The following RUSC2 variants were observed in gnomAD, a reference collection of about 807,000 sequenced individuals.
RUSC2 encodes RUN and SH3 domain containing 2, also known as AP-4 complex accessory subunit RUSC2.
In RUSC2, 34 loss-of-function variants were observed where a neutral mutation model predicts 122.2. The ratio of observed to expected loss-of-function variants is 0.28; its 90% CI spans 0.21 to 0.37. The LOEUF (loss-of-function observed/expected upper bound fraction) is 0.37. Ranked by LOEUF, RUSC2 falls within the 10% of genes least tolerant of loss-of-function variation. The probability of loss-of-function intolerance (pLI) is 1.00; values close to 1 mark genes in which losing one functional copy is unlikely to be tolerated. For missense variants in RUSC2, 1,747 were observed against 1,952.4 expected (o/e 0.89, Z 1.98); for synonymous variants, 784 against 790.0 (o/e 0.99, Z 0.13).
chr9:35,546,944 T>G lies in RUSC2; in HGVS notation c.423T>G (p.Phe141Leu), dbSNP rs780597171. 3.8e-6 allele frequency: 6 copies of G among 1,572,946 alleles called. No homozygotes were observed. The highest frequency in any genetic ancestry group is 5.2e-6 in the Non-Finnish European group (6 of 1,158,294). The change falls in exon 2 of 12, where the codon TTT becomes TTG. Residue 141 changes from phenylalanine (F) to leucine (L), a missense_variant. By Grantham distance (22) the Phe-to-Leu change is conservative. Coordinates refer to ENST00000361226, the MANE Select transcript of RUSC2 (RefSeq NM_014806.5). The surrounding 1 kb of genome is among the most constrained non-coding windows in gnomAD (Gnocchi z 4.3). The part of the protein sequence containing the change: ...FHLHGTGQPN[F>L]HLSSFQLPPS... Reference sequence around the variant, plus strand: ...TGCATGGCACTGGCCAGCCCAACTTTCATCTATCCTCTTTCCAGCTGCCAC... The same window carrying G: ...TGCATGGCACTGGCCAGCCCAACTTGCATCTATCCTCTTTCCAGCTGCCAC...
At chr9:35,556,473 C>G (rs1822022507) in intron 5 of RUSC2, 25 bp downstream of exon 5, 2 of 1,608,710 alleles carry the variant, frequency 1.2e-6, no homozygotes, top group Admixed American at 3.4e-5. Flanking sequence ...CAGCTCAGGC[C>G]AGGGACTCTG....
At chr9:35,552,652 G>A (rs532078900) in intron 2 of RUSC2, among the ~76,000 whole-genome samples, 18 of 152,234 alleles carry the variant, frequency 1.2e-4, no homozygotes, top group Non-Finnish European at 4.4e-5. Flanking sequence ...TCACTCCTCC[G>A]AACCAGTGAG....
At chr9:35,509,456 T>C (rs768800673) in intron 1 of RUSC2, among the ~76,000 whole-genome samples, 2 of 152,356 alleles carry the variant, frequency 1.3e-5, no homozygotes, top group South Asian at 4.1e-4. Context: ...CCCGTGTTCA[T>C]TGGGCAGGAA....
At position 35,542,559 on chromosome 9, in the gene RUSC2, A is replaced by G. The variant is rs374798437; in HGVS notation, c.-92-3871A>G. Among the ~76,000 whole-genome samples, 158 of 152,348 alleles carry G rather than the reference A, an allele frequency of 1.0e-3. 3 individuals carry two copies. The South Asian group carries it at 0.031, about 30-fold the overall frequency. On this transcript the variant is annotated intron_variant, in intron 1 of 11. Coordinates refer to ENST00000361226, the MANE Select transcript of RUSC2 (RefSeq NM_014806.5). ...TGACAGAGGACTTGTATCCAGAATA[A>G]ATGTTAAAACTCCTATAATTCAATC...
intron 2 of RUSC2, among the ~76,000 whole-genome samples, chr9:35,549,664 G>C (rs1821843907): frequency 6.6e-6 from 1 of 152,228 alleles, no homozygotes; most frequent in African/African-American, 2.4e-5. Flanking sequence ...CTTGTAAGAA[G>C]AATGTTCTAG....
At chr9:35,492,900 T>C (rs1262408406) in intron 1 of RUSC2, among the ~76,000 whole-genome samples, 1 of 152,144 alleles carries the variant, frequency 6.6e-6, no homozygotes, top group Non-Finnish European at 1.5e-5. Context: ...CTACTGGGGG[T>C]ACCTCATATA....
At chr9:35,505,816 C>G (rs1034048073) in intron 1 of RUSC2, among the ~76,000 whole-genome samples, 1 of 152,114 alleles carries the variant, frequency 6.6e-6, no homozygotes, top group Non-Finnish European at 1.5e-5. Context: ...TAAAAACACT[C>G]AACTAGGAAT....
chr9:35,536,675 A>T (rs1417686914), intron 1 of RUSC2, among the ~76,000 whole-genome samples: 1 of 152,052 alleles, frequency 6.6e-6, no homozygotes, highest in Non-Finnish European at 1.5e-5. Context: ...TAGCCGGGGC[A>T]TGGTGGCAGG....
Position 35,546,860 on chromosome 9 carries a change from A to T in RUSC2, c.339A>T (p.Gly113=). ...TGCAGGAGGGTGTGGGTGAGCCAGG[A>T]CTTGGTGACCTGTATGATGACAGCA... ...FLLQEGVGEP[G]LGDLYDDSIG... The change falls in exon 2 of 12, where the codon GGA becomes GGT. Residue 113 remains glycine (G), a synonymous_variant. Transcript: ENST00000361226. The surrounding 1 kb of genome is among the most constrained non-coding windows in gnomAD (Gnocchi z 4.3). The T allele has an allele frequency of 6.2e-7, 1 of 1,607,398 alleles. No homozygotes were observed. Among genetic ancestry groups the T allele is most frequent in the South Asian group, 1.1e-5 (1 of 89,446 alleles).
intron 1 of RUSC2, among the ~76,000 whole-genome samples, chr9:35,531,570 T>C (rs936900281): frequency 6.6e-6 from 1 of 152,224 alleles, no homozygotes; most frequent in Non-Finnish European, 1.5e-5. Flanking sequence ...CTTAGACATT[T>C]ACTGACTGAG....
chr9:35,542,742 A>G (rs1447570796), intron 1 of RUSC2, among the ~76,000 whole-genome samples: 1 of 152,202 alleles, frequency 6.6e-6, no homozygotes, highest in African/African-American at 2.4e-5. Context: ...ATCACATTAC[A>G]ATACAATTGT....
At chr9:35,539,983 T>G (rs935141268) in intron 1 of RUSC2, among the ~76,000 whole-genome samples, 6 of 151,914 alleles carry the variant, frequency 3.9e-5, no homozygotes, top group Non-Finnish European at 8.8e-5. Context: ...AGGGAAGGGG[T>G]TCTATGACTG....
chr9:35,561,840 GTATTTATT>G lies in RUSC2; in HGVS notation c.*471_*478del, dbSNP rs771051127. On this transcript the variant is annotated 3_prime_UTR_variant, in exon 12 of 12. Transcript: ENST00000361226. ...AGGAGGAGCCCAGGCGTCTGTTTAT[GTATTTATT>G]TATTTATTTATTATACCTATTAATA... 3.7e-5 allele frequency: 23 copies of G among 622,332 alleles called. No individual in the cohort carries two copies. Among genetic ancestry groups the G allele is most frequent in the Non-Finnish European group, 5.4e-5 (19 of 353,888 alleles). The allele number at this position is 622,332 out of a possible 1,614,324, so 38.6% of individuals were successfully genotyped here. A position where few individuals can be genotyped will look rare whatever the true frequency, so the allele number is the denominator to read the frequency against.
rs973336390 is a variant in RUSC2, at chr9:35,557,774, G to A, written c.2984-140G>A. On this transcript the variant is annotated intron_variant, in intron 5 of 11. Coordinates refer to ENST00000361226, the MANE Select transcript of RUSC2 (RefSeq NM_014806.5). The surrounding 1 kb of genome is among the most constrained non-coding windows in gnomAD (Gnocchi z 4.6). ...AACCAGAAAAGGGCCAGGCCTGAATGTTTTGATAAGACCCATGTGCAGATG... is the reference window on the plus strand; with the variant it reads ...AACCAGAAAAGGGCCAGGCCTGAATATTTTGATAAGACCCATGTGCAGATG... The A allele has an allele frequency of 1.4e-6, 1 of 710,226 alleles. No homozygotes were observed. The highest frequency in any genetic ancestry group is 2.5e-6 in the Non-Finnish European group (1 of 393,332). 44.0% of individuals were successfully genotyped at this position (710,226 alleles called of 1,614,324 possible). A position where few individuals can be genotyped will look rare whatever the true frequency, so the allele number is the denominator to read the frequency against.
chr9:35,552,747 A>AG (rs1411225653), intron 2 of RUSC2, among the ~76,000 whole-genome samples: 2 of 152,224 alleles, frequency 1.3e-5, no homozygotes, highest in Non-Finnish European at 2.9e-5. Context: ...TTTAACCTAG[A>AG]GAAAAACTGA....
At chr9:35,505,580 C>T (rs1243896853) in intron 1 of RUSC2, among the ~76,000 whole-genome samples, 1 of 152,054 alleles carries the variant, frequency 6.6e-6, no homozygotes. Flanking sequence ...GTCTTTGAAT[C>T]CAGGGTCTCT....
chr9:35,490,911 C>T (rs1378024787), intron 1 of RUSC2, among the ~76,000 whole-genome samples: 2 of 152,148 alleles, frequency 1.3e-5, no homozygotes, highest in Non-Finnish European at 2.9e-5. Context: ...TCTTTGTATC[C>T]CCGGTCCCCA....
chr9:35,547,531 C>A lies in RUSC2; in HGVS notation c.1010C>A (p.Ser337Tyr). 6.2e-7 allele frequency: 1 copy of A among 1,614,130 alleles called. No homozygotes were observed. The highest frequency in any genetic ancestry group is 8.5e-7 in the Non-Finnish European group (1 of 1,180,026). ...TTTGAGTCTAAGATGTCTTATGAGTCCCATCACCCTGAAAGTGGAGGAAGG... is the reference window on the plus strand; with the variant it reads ...TTTGAGTCTAAGATGTCTTATGAGTACCATCACCCTGAAAGTGGAGGAAGG... ...SPFESKMSYE[S>Y]HHPESGGREG... Residue 337 changes from serine (S) to tyrosine (Y), a missense_variant, in exon 2 of 12, where the codon TCC (serine) becomes TAC (tyrosine). Physicochemically the swap from Ser to Tyr is moderately radical, Grantham distance 144 (BLOSUM62 -2). Transcript: ENST00000361226. This position sits in a 1 kb window ranked among gnomAD's most constrained non-coding sequence, Gnocchi z 4.6.
intron 1 of RUSC2, among the ~76,000 whole-genome samples, chr9:35,526,297 A>C (rs1334545873): frequency 1.3e-5 from 2 of 152,108 alleles, no homozygotes; most frequent in Non-Finnish European, 2.9e-5. Context: ...AGGAGTGGGG[A>C]AAGGTATCCA....
Sources: allele counts gnomAD v4.1 joint callset (sites outside exome capture counted in the v4.1 genomes callset), GRCh38; gene constraint gnomAD v4.1.1; non-coding constraint Gnocchi (gnomAD v3.1); transcripts MANE v1.5; gene names NCBI Gene and HGNC (gene_info 2026-07-23, HGNC 2026-07-21).